The following PCDHGB7 variants were observed in gnomAD, a reference collection of about 807,000 sequenced individuals.
PCDHGB7 encodes the protein protocadherin gamma-B7.
Under a neutral mutation model 61.4 loss-of-function variants are expected in PCDHGB7, and 37 were observed. The observed-to-expected ratio is 0.60, with a 90% CI of 0.46 to 0.79. The LOEUF (loss-of-function observed/expected upper bound fraction) is 0.79, where lower values mean the gene tolerates loss of function less well. PCDHGB7 is among the 30% of genes least tolerant of loss of function. The pLI, the probability that PCDHGB7 is intolerant of heterozygous loss-of-function variation, is 0.00. For synonymous variants in PCDHGB7, 464 were observed against 503.5 expected (o/e 0.92, Z 1.05); for missense variants, 1,166 against 1,202.5 (o/e 0.97, Z 0.45).
At chr5:141,421,080 C>G in intron 1 of PCDHGB7, 1 of 638,368 alleles carries the variant, frequency 1.6e-6, no homozygotes, top group South Asian at 2.1e-5. Flanking sequence ...GATGGATACT[C>G]ACAGATCCTG....
intron 1 of PCDHGB7, among the ~76,000 whole-genome samples, chr5:141,449,588 CAAAAAAAA>C (rs768743917): frequency 1.7e-5 from 1 of 57,492 alleles, no homozygotes; most frequent in South Asian, 6.3e-4. Context: ...GACTCTGTCT[CAAAAAAAA>C]AAAAAAAAAA....
At chr5:141,434,658 T>C (rs1243599957) in intron 1 of PCDHGB7, among the ~76,000 whole-genome samples, 2 of 152,198 alleles carry the variant, frequency 1.3e-5, no homozygotes, top group African/African-American at 2.4e-5. Flanking sequence ...ATCTAATATC[T>C]ATAGAAATGA....
At chr5:141,482,999 T>G (rs1031397558) in intron 1 of PCDHGB7, among the ~76,000 whole-genome samples, 3 of 151,950 alleles carry the variant, frequency 2.0e-5, no homozygotes, top group Non-Finnish European at 2.9e-5. Flanking sequence ...GCAGGAGAAT[T>G]GCTTGAACCC....
At position 141,476,001 on chromosome 5, in the gene PCDHGB7, C is replaced by A. The variant is rs989369008; in HGVS notation, c.2416-18806C>A. On this transcript the variant is annotated intron_variant, in intron 1 of 3. Coordinates refer to ENST00000398594, the MANE Select transcript of PCDHGB7 (RefSeq NM_018927.4). This position sits in a 1 kb window ranked among gnomAD's most constrained non-coding sequence, Gnocchi z 7.6. ...CAGCCGGCGAGCAAATCAACGGCAT[C>A]CAGAAAGCCATGTCGGACTCGGCGC... The A allele has an allele frequency of 5.7e-5, 70 of 1,235,226 alleles. No homozygotes were observed. In the Middle Eastern group the frequency reaches 8.6e-4, roughly 15 times the overall value. The allele number at this position is 1,235,226 out of a possible 1,614,324, so 76.5% of individuals were successfully genotyped here. A position where few individuals can be genotyped will look rare whatever the true frequency, so the allele number is the denominator to read the frequency against.
At chr5:141,455,160 G>T (rs6875366) in intron 1 of PCDHGB7, among the ~76,000 whole-genome samples, 16,301 of 149,190 alleles carry the variant, frequency 0.11, 1,328 homozygotes, top group African/African-American at 0.23. Context: ...TAGTTTGTTG[G>T]TTTTTTTTTT....
chr5:141,438,764 C>T (rs963627140), intron 1 of PCDHGB7, among the ~76,000 whole-genome samples: 38 of 148,736 alleles, frequency 2.6e-4, no homozygotes, highest in African/African-American at 9.4e-4. Context: ...TGGGTTCAAG[C>T]GATTCTCCTG....
At chr5:141,501,926 C>T (rs1388315216) in intron 2 of PCDHGB7, among the ~76,000 whole-genome samples, 1 of 152,126 alleles carries the variant, frequency 6.6e-6, no homozygotes, top group African/African-American at 2.4e-5. Flanking sequence ...AGCTTTGTTC[C>T]CTCAACACCA....
At position 141,494,758 on chromosome 5, in the gene PCDHGB7, T is replaced by C. The variant is rs370692038; in HGVS notation, c.2416-49T>C. ...CCATCCCTAGGGGCTCGGGTGACAT[T>C]CTAACTTCTCACGGGTACTCAGCCC... On this transcript the variant is annotated intron_variant, in intron 1 of 3. Transcript: ENST00000398594. The C allele has an allele frequency of 1.3e-5, 21 of 1,613,682 alleles. No homozygotes were observed. The African/African-American group carries it at 2.7e-4, about 21-fold the overall frequency.
intron 1 of PCDHGB7, among the ~76,000 whole-genome samples, chr5:141,469,568 T>C (rs942597017): frequency 6.6e-6 from 1 of 152,184 alleles, no homozygotes. Flanking sequence ...AGTGAGACTC[T>C]GTCTCTAAAT....
chr5:141,452,172 T>G (rs1338447268), intron 1 of PCDHGB7, among the ~76,000 whole-genome samples: 1 of 152,206 alleles, frequency 6.6e-6, no homozygotes, highest in Non-Finnish European at 1.5e-5. Flanking sequence ...TTACTAACAT[T>G]TTTTATTTTG....
rs2099702455 is a variant in PCDHGB7, at chr5:141,490,641, G to C, written c.2416-4166G>C. 6.2e-7 allele frequency: 1 copy of C among 1,614,042 alleles called. No homozygotes were observed. Among genetic ancestry groups the C allele is most frequent in the Admixed American group, 1.7e-5 (1 of 60,004 alleles). On this transcript the variant is annotated intron_variant, in intron 1 of 3. Coordinates refer to ENST00000398594, the MANE Select transcript of PCDHGB7 (RefSeq NM_018927.4). The surrounding 1 kb of genome is among the most constrained non-coding windows in gnomAD (Gnocchi z 5.4). ...ACACTGCTTACATCCTAGAAAACCG[G>C]CCTCCGGGCTCCCTTCTTTGCACTG...
Position 141,417,914 on chromosome 5 carries a change from C to T in PCDHGB7, c.55C>T (p.Pro19Ser). 6.2e-7 allele frequency: 1 copy of T among 1,602,320 alleles called. No individual in the cohort carries two copies. Among genetic ancestry groups the T allele is most frequent in the Non-Finnish European group, 8.5e-7 (1 of 1,174,100 alleles). ...GGCCGGCCCGCGGCAGGTACTATTTCCTTTGCTGCTGCCTTTGTTCTACCC... is the reference window on the plus strand; with the variant it reads ...GGCCGGCCCGCGGCAGGTACTATTTTCTTTGCTGCTGCCTTTGTTCTACCC... Reference protein sequence around the residue: ...RRAGPRQVLFPLLLPLFYPTL... With the variant: ...RRAGPRQVLFSLLLPLFYPTL... The change falls in exon 1 of 4, where the codon CCT becomes TCT. Residue 19 changes from proline (P) to serine (S), a missense_variant. Pro to Ser is a moderately conservative substitution (Grantham distance 74). Transcript: ENST00000398594.
chr5:141,462,657 T>G (rs949098251), intron 1 of PCDHGB7, among the ~76,000 whole-genome samples: 1 of 152,164 alleles, frequency 6.6e-6, no homozygotes, highest in East Asian at 1.9e-4. Flanking sequence ...TCCTCAATTA[T>G]CTTCATATTT....
intron 1 of PCDHGB7, chr5:141,428,419 C>G: frequency 4.4e-6 from 2 of 451,920 alleles, no homozygotes; most frequent in Non-Finnish European, 4.1e-6. Flanking sequence ...TCACCCTGGT[C>G]TCTGTTCTAA....
rs1196210157 is a variant in PCDHGB7 at position 141,417,851 on chromosome 5, G to A, written c.-9G>A. On this transcript the variant is annotated 5_prime_UTR_variant, in exon 1 of 4. Transcript: ENST00000398594. ...AAAAGCGGGGACCCAGCGAGAACCC[G>A]AGCGAACGATGGGAGGGAGCTGCGC... 1 of 1,543,512 alleles carries A rather than the reference G, an allele frequency of 6.5e-7. No individual in the cohort carries two copies. Among genetic ancestry groups the A allele is most frequent in the Non-Finnish European group, 8.8e-7 (1 of 1,141,942 alleles).
Position 141,419,753 on chromosome 5 carries a change from T to C in PCDHGB7, c.1894T>C (p.Leu632=), listed in dbSNP as rs764151937. 6.2e-6 allele frequency: 10 copies of C among 1,613,856 alleles called. No individual in the cohort carries two copies. Among genetic ancestry groups the C allele is most frequent in the South Asian group, 2.2e-5 (2 of 91,078 alleles). Residue 632 remains leucine, a synonymous_variant, in exon 1 of 4, where the codon TTG becomes CTG. Transcript: ENST00000398594. The part of the protein sequence containing the change: ...RTGEVRMVRA[L]GDKDSVRQRL... ...AGGCGAGGTGCGCATGGTGCGTGCT[T>C]TGGGTGACAAGGACTCGGTCCGCCA...
Position 141,476,351 on chromosome 5 carries a change from G to C in PCDHGB7, c.2416-18456G>C. On this transcript the variant is annotated intron_variant, in intron 1 of 3. Transcript: ENST00000398594. This position sits in a 1 kb window ranked among gnomAD's most constrained non-coding sequence, Gnocchi z 7.6. ...TGGAGCTAGCCGAAGATTCTTTGAG[G>C]TGAACCGGGAGACCGGAGAGATGTT... 3 of 1,614,182 alleles carry C rather than the reference G, an allele frequency of 1.9e-6. No homozygotes were observed. Among genetic ancestry groups the C allele is most frequent in the Non-Finnish European group, 2.5e-6 (3 of 1,180,046 alleles).
chr5:141,503,417 A>T (rs1431276679), intron 2 of PCDHGB7, among the ~76,000 whole-genome samples: 2 of 151,968 alleles, frequency 1.3e-5, no homozygotes, highest in Non-Finnish European at 2.9e-5. Flanking sequence ...CAATATGGTG[A>T]AACCCCATCT....
chr5:141,486,409 C>G lies in PCDHGB7; in HGVS notation c.2416-8398C>G, dbSNP rs1396288134. On this transcript the variant is annotated intron_variant, in intron 1 of 3. Coordinates refer to ENST00000398594, the MANE Select transcript of PCDHGB7 (RefSeq NM_018927.4). The surrounding 1 kb of genome is among the most constrained non-coding windows in gnomAD (Gnocchi z 5.0). Reference sequence around the variant, plus strand: ...AGTTCTCCCTGGTGACTGCTGGACCCTTGGATCGAGAGGCCAAATCTAGCT... The same window carrying G: ...AGTTCTCCCTGGTGACTGCTGGACCGTTGGATCGAGAGGCCAAATCTAGCT... 6.2e-7 allele frequency: 1 copy of G among 1,614,170 alleles called. No individual in the cohort carries two copies. Among genetic ancestry groups the G allele is most frequent in the East Asian group, 2.2e-5 (1 of 44,874 alleles).
Sources: gnomAD v4.1 joint callset for allele counts (sites outside exome capture counted in the v4.1 genomes callset) on GRCh38, gnomAD v4.1.1 for gene constraint, Gnocchi (gnomAD v3.1) non-coding constraint, MANE v1.5 for transcripts, NCBI Gene and HGNC (gene_info 2026-07-23, HGNC 2026-07-21) for gene names.